The following ZNF678 variants were observed in gnomAD, a reference collection of about 807,000 sequenced individuals.
ZNF678 encodes the protein zinc finger protein 678, also known as hypothetical protein MGC42493.
ZNF678 carries 5 observed loss-of-function variants against 3.0 expected under a neutral mutation model. The observed-to-expected ratio is 1.69, with a 90% CI of 0.88 to 3.56. ZNF678 has a LOEUF of 3.56. Ranked by LOEUF, ZNF678 falls within the 30% of genes most tolerant of loss-of-function variation. ZNF678 has a pLI of 0.00. For missense variants in ZNF678, 593 were observed against 605.0 expected (o/e 0.98, Z 0.21); for synonymous variants, 218 against 199.6 (o/e 1.09, Z -0.78).
chr1:227,566,358 A>G (rs1424920103), intron 1 of ZNF678, among the ~76,000 whole-genome samples: 1 of 152,218 alleles, frequency 6.6e-6, no homozygotes, highest in Non-Finnish European at 1.5e-5. Flanking sequence ...AAAGACAGAA[A>G]TAATTCCTGC....
At chr1:227,621,938 C>G (rs1288770976) in intron 1 of ZNF678, among the ~76,000 whole-genome samples, 1 of 152,148 alleles carries the variant, frequency 6.6e-6, no homozygotes, top group Non-Finnish European at 1.5e-5. Context: ...CAATTCTAAC[C>G]TAATTCTGGT....
At chr1:227,676,817 C>A (rs1659688767) in intron 5 of ZNF678, among the ~76,000 whole-genome samples, 1 of 152,074 alleles carries the variant, frequency 6.6e-6, no homozygotes, top group African/African-American at 2.4e-5. Flanking sequence ...TGATGGTTTC[C>A]AGCTTCATCC....
In ZNF678 at chr1:227,594,682, T is replaced by C. The variant is rs193149385; in HGVS notation, c.-164+30958T>C. 4.0e-3 allele frequency among the ~76,000 whole-genome samples: 602 copies of C among 152,352 alleles called. 6 individuals are homozygous for C. The highest frequency in any genetic ancestry group is 7.2e-3 in the Non-Finnish European group (490 of 68,030). The stretch of plus-strand genomic sequence containing the variant: ...TTCCTTATACATCTTGCACATAAAG[T>C]GTTTTTCTATAACATTTTCCTCTTT... On this transcript the variant is annotated intron_variant, in intron 1 of 3. Transcript: ENST00000343776.
At chr1:227,667,927 G>T (rs1222889086) in intron 5 of ZNF678, among the ~76,000 whole-genome samples, 1 of 152,094 alleles carries the variant, frequency 6.6e-6, no homozygotes, top group Non-Finnish European at 1.5e-5. Context: ...AGATTCAAAT[G>T]GGTGTATTTT....
chr1:227,665,087 C>CTA (rs1558163022), downstream of ZNF678, among the ~76,000 whole-genome samples: 2 of 152,106 alleles, frequency 1.3e-5, no homozygotes, highest in Non-Finnish European at 2.9e-5. Flanking sequence ...GAAAATTCTT[C>CTA]GGGTACAAAT....
At chr1:227,670,324 T>C (rs1237786033) in intron 5 of ZNF678, among the ~76,000 whole-genome samples, 1 of 152,228 alleles carries the variant, frequency 6.6e-6, no homozygotes, top group Non-Finnish European at 1.5e-5. Context: ...GTATATATAA[T>C]TGTAATTTGT....
intron 1 of ZNF678, among the ~76,000 whole-genome samples, chr1:227,612,976 G>C (rs1658056773): frequency 1.3e-5 from 2 of 152,066 alleles, no homozygotes; most frequent in African/African-American, 2.4e-5. Context: ...GTCTGAGCAG[G>C]GTGTCCATTT....
chr1:227,678,738 A>G (rs1306064105), downstream of ZNF678, among the ~76,000 whole-genome samples: 1 of 152,214 alleles, frequency 6.6e-6, no homozygotes, highest in Non-Finnish European at 1.5e-5. Context: ...GATTTGACAA[A>G]TTCTTTTAAT....
intron 1 of ZNF678, among the ~76,000 whole-genome samples, chr1:227,583,850 A>C (rs1487665122): frequency 6.6e-6 from 1 of 152,214 alleles, no homozygotes; most frequent in East Asian, 1.9e-4. Context: ...TGCATTGGGC[A>C]CATGATTGGC....
At chr1:227,603,997 G>A (rs1473487839) in intron 1 of ZNF678, among the ~76,000 whole-genome samples, 2 of 152,194 alleles carry the variant, frequency 1.3e-5, no homozygotes, top group East Asian at 3.9e-4. Context: ...ATCTGTTGTA[G>A]CATGTAGCAT....
chr1:227,596,841 C>G (rs1571875043), intron 1 of ZNF678, among the ~76,000 whole-genome samples: 1 of 151,880 alleles, frequency 6.6e-6, no homozygotes, highest in East Asian at 1.9e-4. Context: ...ATTGGCATGA[C>G]AACAGGCTGA....
chr1:227,592,290 G>A (rs1657436944), intron 1 of ZNF678, among the ~76,000 whole-genome samples: 1 of 152,246 alleles, frequency 6.6e-6, no homozygotes, highest in South Asian at 2.1e-4. Flanking sequence ...CACAGCATGG[G>A]GGGATTTTAG....
rs145454087 is a variant in ZNF678 at position 227,659,764 on chromosome 1, C to CATAT, written c.*3945_*3948dup. 6.6e-6 allele frequency: 1 copy of CATAT among 151,450 alleles called. No homozygotes were observed. The highest frequency in any genetic ancestry group is 6.6e-5 in the Admixed American group (1 of 15,192). The allele number at this position is 151,450 out of a possible 1,614,324, so 9.4% of individuals were successfully genotyped here. A position where few individuals can be genotyped will look rare whatever the true frequency, so the allele number is the denominator to read the frequency against. Reference sequence around the variant, plus strand: ...TTAAATTGACAAAATTTTATATCTACATATATATATATCTTGTAACACATG... The same window carrying CATAT: ...TTAAATTGACAAAATTTTATATCTACATATATATATATATATCTTGTAACACATG... On this transcript the variant is annotated 3_prime_UTR_variant, in exon 4 of 4. Transcript: ENST00000343776.
rs143461638 is a variant in ZNF678 at position 227,612,300 on chromosome 1, T to G, written c.-163-34244T>G. On this transcript the variant is annotated intron_variant, in intron 1 of 3. Coordinates refer to ENST00000343776, the MANE Select transcript of ZNF678 (RefSeq NM_001367909.1). ...CCTTCTTATCTCTTCCTCTTGGTTA[T>G]CTTTTCATCCTCCTGGCTGTTGAGC... 3.1e-3 allele frequency among the ~76,000 whole-genome samples: 472 copies of G among 152,268 alleles called. 12 individuals are homozygous for G. Among genetic ancestry groups the G allele is most frequent in the Admixed American group, 0.028 (430 of 15,284 alleles).
At chr1:227,637,499 T>G (rs552705967) in intron 1 of ZNF678, among the ~76,000 whole-genome samples, 1 of 152,230 alleles carries the variant, frequency 6.6e-6, no homozygotes, top group African/African-American at 2.4e-5. Context: ...TCAAGCTGTT[T>G]AGAGAGGTAG....
At chr1:227,627,510 G>A (rs1344486956) in intron 1 of ZNF678, among the ~76,000 whole-genome samples, 2 of 151,914 alleles carry the variant, frequency 1.3e-5, no homozygotes, top group Non-Finnish European at 2.9e-5. Flanking sequence ...TGATGATCTC[G>A]GCCATGTAAG....
rs192104869 is a variant in ZNF678, at chr1:227,643,917, G to A, written c.-163-2627G>A. ...CTCGCTCTGTCACCCAGGCTGGAGT[G>A]CAGTGGCATGATCTCGGCTCACTGC... On this transcript the variant is annotated intron_variant, in intron 1 of 3. Transcript: ENST00000343776. Among the ~76,000 whole-genome samples the A allele has an allele frequency of 8.8e-3, 1,224 of 139,604 alleles. 17 individuals carry two copies. Among genetic ancestry groups the A allele is most frequent in the African/African-American group, 0.031 (1,136 of 36,994 alleles). The allele number at this position is 139,604 out of a possible 152,430, so 91.6% of individuals were successfully genotyped here. A position where few individuals can be genotyped will look rare whatever the true frequency, so the allele number is the denominator to read the frequency against.
rs1658956892 is a variant in ZNF678, at chr1:227,646,474, G to T, written c.-163-70G>T. The T allele has an allele frequency of 1.6e-5, 21 of 1,317,322 alleles. No individual in the cohort carries two copies. The Admixed American group carries it at 4.2e-4, about 26-fold the overall frequency. The allele number at this position is 1,317,322 out of a possible 1,614,324, so 81.6% of individuals were successfully genotyped here. ...GAACAAGTTCACTTTACTCTCTTCA[G>T]TTGGAGTCAAATTAAGAACTCTGCC... On this transcript the variant is annotated intron_variant, in intron 1 of 3. Coordinates refer to ENST00000343776, the MANE Select transcript of ZNF678 (RefSeq NM_001367909.1).
chr1:227,650,162 CTTTAT>C (rs772706767), intron 2 of ZNF678, among the ~76,000 whole-genome samples: 8 of 152,018 alleles, frequency 5.3e-5, no homozygotes, highest in Non-Finnish European at 1.0e-4. Flanking sequence ...ACATTTAAGT[CTTTAT>C]TTTGAGTTAA....
Sources: allele counts gnomAD v4.1 joint callset (sites outside exome capture counted in the v4.1 genomes callset), GRCh38; gene constraint gnomAD v4.1.1; transcripts MANE v1.5; gene names NCBI Gene and HGNC (gene_info 2026-07-23, HGNC 2026-07-21).